Variants in IGF2BP2 observed in about 807,000 individuals in gnomAD.
IGF2BP2 encodes the protein insulin-like growth factor 2 mRNA-binding protein 2.
In IGF2BP2, 17 loss-of-function variants were observed where a neutral mutation model predicts 75.8. The observed-to-expected ratio is 0.22, with a 90% CI of 0.15 to 0.34. IGF2BP2 has a LOEUF of 0.34. Among genes scored for constraint, IGF2BP2 ranks in the 10% least tolerant of loss-of-function variants. IGF2BP2 has a pLI of 1.00. For missense variants in IGF2BP2, 516 were observed against 772.4 expected, an observed-to-expected ratio of 0.67 and a Z score of 3.93; for synonymous variants, 288 against 295.6, an observed-to-expected ratio of 0.97 and a Z score of 0.26.
rs1262748047 is a variant in IGF2BP2 at position 185,645,018 on chromosome 3, A to T, written c.*513T>A. 6.6e-6 allele frequency: 1 copy of T among 152,348 alleles called. No homozygotes were observed. The highest frequency in any genetic ancestry group is 1.5e-5 in the Non-Finnish European group (1 of 68,142). 9.4% of individuals were successfully genotyped at this position (152,348 alleles called of 1,614,324 possible). A position where few individuals can be genotyped will look rare whatever the true frequency, so the allele number is the denominator to read the frequency against. On this transcript the variant is annotated 3_prime_UTR_variant, in exon 16 of 16. Transcript: ENST00000382199. The surrounding 1 kb of genome is among the most constrained non-coding windows in gnomAD (Gnocchi z 4.9). ...AGAAAAAAAAATTAATAATTGATTA[A>T]AAATTGGAGTTAGTTGAGTTATTTG...
At chr3:185,700,371 T>A (rs546722084) in intron 2 of IGF2BP2, among the ~76,000 whole-genome samples, 1 of 152,178 alleles carries the variant, frequency 6.6e-6, no homozygotes, top group East Asian at 1.9e-4. Flanking sequence ...TTTTTAAATA[T>A]TAATGTATTC....
intron 6 of IGF2BP2, among the ~76,000 whole-genome samples, 153 bp from the exon 7 acceptor site, chr3:185,687,344 G>A (rs999383262): frequency 6.6e-6 from 1 of 152,234 alleles, no homozygotes. Context: ...TCTCCAAGAA[G>A]GAGGCAAGCA....
At position 185,780,308 on chromosome 3, in the gene IGF2BP2, A is replaced by G. The variant is rs147610901; in HGVS notation, c.239+42845T>C. Among the ~76,000 whole-genome samples the G allele has an allele frequency of 2.7e-4, 41 of 152,310 alleles. No individual in the cohort carries two copies. The East Asian group carries it at 7.9e-3, about 29-fold the overall frequency. ...GATGGGAGGTTAAAAGAGGATTATG[A>G]TGTTCTATTTGCTTATTAATTGAAA... is the stretch of plus-strand genomic sequence containing the variant. On this transcript the variant is annotated intron_variant, in intron 2 of 15. Coordinates refer to ENST00000382199, the MANE Select transcript of IGF2BP2 (RefSeq NM_006548.6).
chr3:185,820,439 A>C (rs780848720), intron 2 of IGF2BP2, among the ~76,000 whole-genome samples: 1 of 152,080 alleles, frequency 6.6e-6, no homozygotes, highest in African/African-American at 2.4e-5. Context: ...AGATTCAAAC[A>C]CTTTTATTCA....
chr3:185,665,013 A>G (rs2149149524), intron 10 of IGF2BP2, among the ~76,000 whole-genome samples: 1 of 152,086 alleles, frequency 6.6e-6, no homozygotes, highest in African/African-American at 2.4e-5. Context: ...CCGGGGGGGA[A>G]AAACAGACAG....
At chr3:185,753,272 G>C (rs995640849) in intron 2 of IGF2BP2, among the ~76,000 whole-genome samples, 1 of 152,068 alleles carries the variant, frequency 6.6e-6, no homozygotes, top group African/African-American at 2.4e-5. Flanking sequence ...TTGCGGAACG[G>C]GGTGCTCTCT....
chr3:185,649,565 C>CAA (rs1253352215), intron 13 of IGF2BP2, 31 bp from the exon 14 acceptor site: 1 of 1,612,536 alleles, frequency 6.2e-7, no homozygotes, highest in African/African-American at 1.3e-5. Flanking sequence ...TAATGACTCT[C>CAA]AGTCAGCCAG....
intron 2 of IGF2BP2, among the ~76,000 whole-genome samples, chr3:185,794,287 G>T (rs1197043087): frequency 4.2e-5 from 3 of 71,006 alleles, no homozygotes; most frequent in African/African-American, 7.7e-5. Context: ...CTAGAGACCC[G>T]GGCTGCCCTC....
intron 2 of IGF2BP2, among the ~76,000 whole-genome samples, chr3:185,822,430 C>T (rs2150072237): frequency 6.6e-6 from 1 of 152,354 alleles, no homozygotes; most frequent in South Asian, 2.1e-4. Context: ...CTTCTCTTCT[C>T]ATGTTAGCAA....
chr3:185,816,928 T>G (rs1740691691), intron 2 of IGF2BP2, among the ~76,000 whole-genome samples: 1 of 152,180 alleles, frequency 6.6e-6, no homozygotes, highest in Non-Finnish European at 1.5e-5. Flanking sequence ...AGCAAATCCT[T>G]ACTTTGAGAC....
At chr3:185,824,676 C>A in intron 1 of IGF2BP2, 107 bp downstream of exon 1, 1 of 789,432 alleles carries the variant, frequency 1.3e-6, no homozygotes. Context: ...AGCGTGCGGG[C>A]GCGGGAGCCG....
intron 2 of IGF2BP2, among the ~76,000 whole-genome samples, chr3:185,748,844 A>T (rs1302711233): frequency 1.3e-5 from 2 of 152,214 alleles, no homozygotes; most frequent in Non-Finnish European, 2.9e-5. Flanking sequence ...TTAAAGTAAA[A>T]ATCATTTTAC....
intron 13 of IGF2BP2, among the ~76,000 whole-genome samples, chr3:185,650,408 G>A: frequency 6.6e-6 from 1 of 151,832 alleles, no homozygotes; most frequent in East Asian, 1.9e-4. Context: ...CAGGCGTGGT[G>A]GCTCACACCT....
At chr3:185,728,531 G>A (rs138096555) in intron 2 of IGF2BP2, 1 of 152,318 alleles carries the variant, frequency 6.6e-6, no homozygotes, top group African/African-American at 2.4e-5. Flanking sequence ...GGCAAGCAGG[G>A]CTTTGGCCAT....
chr3:185,773,888 C>G (rs1237606040), intron 2 of IGF2BP2, among the ~76,000 whole-genome samples: 1 of 152,154 alleles, frequency 6.6e-6, no homozygotes, highest in Non-Finnish European at 1.5e-5. Context: ...ACGTGCTGAG[C>G]ACACTCATGC....
At chr3:185,813,821 C>T (rs528506198) in intron 2 of IGF2BP2, among the ~76,000 whole-genome samples, 223 of 152,340 alleles carry the variant, frequency 1.5e-3, no homozygotes, top group African/African-American at 5.0e-3. Flanking sequence ...GGCAATGGGG[C>T]TGCAGGCAGG....
intron 2 of IGF2BP2, among the ~76,000 whole-genome samples, chr3:185,818,333 C>G (rs1740877081): frequency 1.3e-5 from 2 of 152,172 alleles, no homozygotes; most frequent in African/African-American, 4.8e-5. Context: ...CTTTCAGTAG[C>G]ATGCTCACTG....
chr3:185,794,666 AC>A (rs1456940957), intron 2 of IGF2BP2, among the ~76,000 whole-genome samples: 9 of 148,522 alleles, frequency 6.1e-5, no homozygotes, highest in East Asian at 2.0e-4. Context: ...TAAAAAAAAA[AC>A]CCATAAAATT....
At chr3:185,654,059 G>T (rs554224511) in intron 12 of IGF2BP2, among the ~76,000 whole-genome samples, 1 of 152,154 alleles carries the variant, frequency 6.6e-6, no homozygotes, top group Non-Finnish European at 1.5e-5. Context: ...CTGCTTTATT[G>T]TGAGTACATA....
Sources: gnomAD v4.1 joint callset for allele counts (sites outside exome capture counted in the v4.1 genomes callset) on GRCh38, gnomAD v4.1.1 for gene constraint, Gnocchi (gnomAD v3.1) non-coding constraint, MANE v1.5 for transcripts, NCBI Gene and HGNC (gene_info 2026-07-23, HGNC 2026-07-21) for gene names.